Variants in PCDHGA10 observed in about 807,000 individuals in gnomAD.
PCDHGA10 encodes the protein protocadherin gamma-A10.
PCDHGA10 carries 42 observed loss-of-function variants against 59.5 expected under a neutral mutation model. The ratio of observed to expected loss-of-function variants is 0.71; its 90% CI spans 0.55 to 0.91. The LOEUF (loss-of-function observed/expected upper bound fraction) is 0.91. PCDHGA10 is among the 40% of genes least tolerant of loss of function. The pLI, the probability that PCDHGA10 is intolerant of heterozygous loss-of-function variation, is 0.00. For missense variants in PCDHGA10, 1,111 were observed against 1,198.2 expected (o/e 0.93, Z 1.07); for synonymous variants, 511 against 517.2 (o/e 0.99, Z 0.16).
intron 2 of PCDHGA10, among the ~76,000 whole-genome samples, chr5:141,501,877 A>G (rs1267260445): frequency 1.3e-5 from 2 of 151,690 alleles, no homozygotes; most frequent in East Asian, 3.9e-4. Flanking sequence ...GCCTCCTTAC[A>G]CTCCTGATCA....
At chr5:141,492,163 C>G (rs921256341) in intron 1 of PCDHGA10, among the ~76,000 whole-genome samples, 3 of 152,232 alleles carry the variant, frequency 2.0e-5, no homozygotes, top group Admixed American at 6.5e-5. Flanking sequence ...CCTCCCTATC[C>G]CCGCATCACC....
chr5:141,502,242 CT>C (rs989546500), intron 2 of PCDHGA10, among the ~76,000 whole-genome samples: 27 of 151,950 alleles, frequency 1.8e-4, no homozygotes, highest in African/African-American at 6.3e-4. Context: ...TTCTTTTATC[CT>C]TTTTTTTAAT....
In PCDHGA10 at chr5:141,415,167, C is replaced by T. The variant is rs769256903; in HGVS notation, c.1992C>T (p.Leu664=). The T allele has an allele frequency of 1.9e-6, 3 of 1,613,894 alleles. No homozygotes were observed. The highest frequency in any genetic ancestry group is 3.3e-5 in the Admixed American group (2 of 60,034). Residue 664 remains leucine (L), a synonymous_variant, in exon 1 of 4, where the codon CTC becomes CTT. Coordinates refer to ENST00000398610, the MANE Select transcript of PCDHGA10 (RefSeq NM_018913.3). ...GQPPLSATVT[L]TVAVADSIPQ... ...CCCCTCTCTCCGCCACTGTCACGCT[C>T]ACCGTGGCCGTGGCCGACAGCATCC...
chr5:141,494,394 T>C (rs1437164389), intron 1 of PCDHGA10, among the ~76,000 whole-genome samples: 1 of 152,154 alleles, frequency 6.6e-6, no homozygotes, highest in African/African-American at 2.4e-5. Flanking sequence ...GTTGAATAAA[T>C]TCATTCTAGG....
At chr5:141,454,796 ATTTTTTT>A (rs61612330) in intron 1 of PCDHGA10, among the ~76,000 whole-genome samples, 2,943 of 77,244 alleles carry the variant, frequency 0.038, 52 homozygotes, top group African/African-American at 0.09. Context: ...CATGGTTCTA[ATTTTTTT>A]TTTTTTTTTT....
Position 141,511,225 on chromosome 5 carries a change from C to A in PCDHGA10, c.*52C>A. ...GGCGGCCTCTCCCCAACCAGCCCAG[C>A]TTCTCCTTACCTGCACCCAGGCCTC... On this transcript the variant is annotated 3_prime_UTR_variant, in exon 4 of 4. Transcript: ENST00000398610. The A allele has an allele frequency of 6.2e-7, 1 of 1,601,624 alleles. No individual in the cohort carries two copies. Among genetic ancestry groups the A allele is most frequent in the Non-Finnish European group, 8.5e-7 (1 of 1,174,162 alleles).
intron 1 of PCDHGA10, among the ~76,000 whole-genome samples, chr5:141,472,274 G>A (rs1170341842): frequency 6.6e-6 from 1 of 152,176 alleles, no homozygotes; most frequent in Admixed American, 6.5e-5. Flanking sequence ...GGGCACAGTG[G>A]CTCACACCTG....
At position 141,489,097 on chromosome 5, in the gene PCDHGA10, C is replaced by A; in HGVS notation, c.2437-5710C>A. ...ACCCCCGCCACTCGGTGACTAAGAA[C>A]TGCTGCAAGCAGGCAAACCTCCGAG... On this transcript the variant is annotated intron_variant, in intron 1 of 3. Transcript: ENST00000398610. This position sits in a 1 kb window ranked among gnomAD's most constrained non-coding sequence, Gnocchi z 4.5. The A allele has an allele frequency of 2.6e-5, 8 of 313,358 alleles. No homozygotes were observed. Among genetic ancestry groups the A allele is most frequent in the Non-Finnish European group, 3.5e-5 (6 of 172,456 alleles). The allele number at this position is 313,358 out of a possible 1,614,324, so 19.4% of individuals were successfully genotyped here. A position where few individuals can be genotyped will look rare whatever the true frequency, so the allele number is the denominator to read the frequency against.
At position 141,414,409 on chromosome 5, in the gene PCDHGA10, A is replaced by AG; in HGVS notation, c.1235dup (p.Ala413SerfsTer3). 1 of 1,613,870 alleles carries AG rather than the reference A, an allele frequency of 6.2e-7. No individual in the cohort carries two copies. ...CAGTTATTACAGATTGGTGATACAC[A>AG]GAGCCCTTGACAGGGAACAGGTATC... On this transcript the variant is annotated frameshift_variant, in exon 1 of 4. Transcript: ENST00000398610. LOFTEE classifies it high-confidence loss of function.
chr5:141,487,041 G>T lies in PCDHGA10; in HGVS notation c.2437-7766G>T, dbSNP rs149314216. Reference sequence around the variant, plus strand: ...GATCCCAGCCTGTTTGCAGTCTCTCGATATGCTGGGGAGGTGCGGACGGCT... The same window carrying T: ...GATCCCAGCCTGTTTGCAGTCTCTCTATATGCTGGGGAGGTGCGGACGGCT... On this transcript the variant is annotated intron_variant, in intron 1 of 3. Transcript: ENST00000398610. This position sits in a 1 kb window ranked among gnomAD's most constrained non-coding sequence, Gnocchi z 5.0. 6.2e-7 allele frequency: 1 copy of T among 1,614,132 alleles called. No homozygotes were observed. The highest frequency in any genetic ancestry group is 8.5e-7 in the Non-Finnish European group (1 of 1,180,030).
chr5:141,477,814 G>C lies in PCDHGA10; in HGVS notation c.2437-16993G>C, dbSNP rs780195618. The C allele has an allele frequency of 1.2e-6, 2 of 1,614,110 alleles. No homozygotes were observed. The highest frequency in any genetic ancestry group is 1.1e-5 in the South Asian group (1 of 91,074). On this transcript the variant is annotated intron_variant, in intron 1 of 3. Coordinates refer to ENST00000398610, the MANE Select transcript of PCDHGA10 (RefSeq NM_018913.3). The surrounding 1 kb of genome is among the most constrained non-coding windows in gnomAD (Gnocchi z 4.9). ...CTGATCGCAATGACAATGCCCCCCA[G>C]GTCCTATATCCTCGGCCAGGTGGGA... is the stretch of plus-strand genomic sequence containing the variant.
At position 141,502,866 on chromosome 5, in the gene PCDHGA10, C is replaced by CTTTTTTTTTTT. The variant is rs549047197; in HGVS notation, c.2496-2523_2496-2513dup. Among the ~76,000 whole-genome samples the CTTTTTTTTTTT allele has an allele frequency of 4.4e-4, 56 of 128,014 alleles. 1 individual carries two copies. The highest frequency in any genetic ancestry group is 5.1e-4 in the Non-Finnish European group (32 of 62,412). The allele number at this position is 128,014 out of a possible 152,430, so 84.0% of individuals were successfully genotyped here. ...GAGCTGCCTAACCCTGACTCTCTGTCTTTTTTTTTTTTTTGACAGGGAGTC... is the reference window on the plus strand; with the variant it reads ...GAGCTGCCTAACCCTGACTCTCTGTCTTTTTTTTTTTTTTTTTTTTTTTTTGACAGGGAGTC... On this transcript the variant is annotated intron_variant, in intron 2 of 3. Coordinates refer to ENST00000398610, the MANE Select transcript of PCDHGA10 (RefSeq NM_018913.3).
At chr5:141,448,786 A>G (rs1354591718) in intron 1 of PCDHGA10, among the ~76,000 whole-genome samples, 1 of 148,848 alleles carries the variant, frequency 6.7e-6, no homozygotes, top group African/African-American at 2.5e-5. Context: ...TAAAAATACA[A>G]AAAAAAAAAT....
intron 1 of PCDHGA10, among the ~76,000 whole-genome samples, chr5:141,452,082 T>A (rs924362905): frequency 3.3e-5 from 5 of 152,240 alleles, no homozygotes; most frequent in Non-Finnish European, 7.3e-5. Context: ...GTTGGCATTA[T>A]ACAGTAAGAA....
At chr5:141,475,979 C>A in intron 1 of PCDHGA10, 1 of 1,020,182 alleles carries the variant, frequency 9.8e-7, no homozygotes, top group Non-Finnish European at 1.4e-6. Flanking sequence ...GACTGAACAG[C>A]CGGCGAGCAA....
chr5:141,418,424 G>A lies in PCDHGA10; in HGVS notation c.2436+2813G>A, dbSNP rs1427064246. Reference sequence around the variant, plus strand: ...GGTGGAGAAAGACAATCCTGATGGTGGCAAATATCCAGAATTAGTATTGCA... The same window carrying A: ...GGTGGAGAAAGACAATCCTGATGGTAGCAAATATCCAGAATTAGTATTGCA... On this transcript the variant is annotated intron_variant, in intron 1 of 3. Coordinates refer to ENST00000398610, the MANE Select transcript of PCDHGA10 (RefSeq NM_018913.3). 1 of 1,613,974 alleles carries A rather than the reference G, an allele frequency of 6.2e-7. No individual in the cohort carries two copies. Among genetic ancestry groups the A allele is most frequent in the Non-Finnish European group, 8.5e-7 (1 of 1,179,872 alleles).
At chr5:141,460,741 A>G (rs1378900827) in intron 1 of PCDHGA10, among the ~76,000 whole-genome samples, 1 of 152,128 alleles carries the variant, frequency 6.6e-6, no homozygotes, top group Non-Finnish European at 1.5e-5. Flanking sequence ...CACATTGTAT[A>G]TATATGTGTA....
In PCDHGA10 at chr5:141,490,584, T is replaced by C; in HGVS notation, c.2437-4223T>C. The stretch of plus-strand genomic sequence containing the variant: ...TCAGGCTCAACATTTCAGATGTCAA[T>C]GACAATGCACCCCGCTTCAACCAGC... On this transcript the variant is annotated intron_variant, in intron 1 of 3. Coordinates refer to ENST00000398610, the MANE Select transcript of PCDHGA10 (RefSeq NM_018913.3). The surrounding 1 kb of genome is among the most constrained non-coding windows in gnomAD (Gnocchi z 5.4). 6.2e-7 allele frequency: 1 copy of C among 1,614,170 alleles called. No individual in the cohort carries two copies. Among genetic ancestry groups the C allele is most frequent in the South Asian group, 1.1e-5 (1 of 91,080 alleles).
At chr5:141,502,782 T>C (rs1200280465) in intron 2 of PCDHGA10, among the ~76,000 whole-genome samples, 1 of 152,132 alleles carries the variant, frequency 6.6e-6, no homozygotes, top group African/African-American at 2.4e-5. Context: ...GAAAATTACC[T>C]GGATGATTTC....
Sources: gnomAD v4.1 joint callset for allele counts (sites outside exome capture counted in the v4.1 genomes callset) on GRCh38, gnomAD v4.1.1 for gene constraint, Gnocchi (gnomAD v3.1) non-coding constraint, MANE v1.5 for transcripts, NCBI Gene and HGNC (gene_info 2026-07-23, HGNC 2026-07-21) for gene names.